CORO2B: variants seen among roughly 807,000 people sequenced by gnomAD.
CORO2B encodes coronin 2B.
In CORO2B, 26 loss-of-function variants were observed where a neutral mutation model predicts 58.8. The ratio of observed to expected loss-of-function variants is 0.44; its 90% CI spans 0.32 to 0.61. The LOEUF (loss-of-function observed/expected upper bound fraction) is 0.61. Ranked by LOEUF, CORO2B falls within the 20% of genes least tolerant of loss-of-function variation. The pLI, the probability that CORO2B is intolerant of heterozygous loss-of-function variation, is 0.04. For synonymous variants in CORO2B, 242 were observed against 253.8 expected (o/e 0.95, Z 0.44); for missense variants, 460 against 645.1 (o/e 0.71, Z 3.11).
At chr15:68,706,717 C>CT (rs1351018890) in intron 3 of CORO2B, among the ~76,000 whole-genome samples, 18 of 149,898 alleles carry the variant, frequency 1.2e-4, no homozygotes, top group Middle Eastern at 6.9e-3. Flanking sequence ...ATTTTTTTTT[C>CT]TTTTTTTTTA....
chr15:68,620,577 C>T (rs905516880), intron 1 of CORO2B, among the ~76,000 whole-genome samples: 15 of 152,194 alleles, frequency 9.9e-5, no homozygotes, highest in Non-Finnish European at 5.9e-5. Context: ...CAAAAGTCTG[C>T]GTTTAGGGAA....
chr15:68,545,062 C>A, the CORO2B span, among the ~76,000 whole-genome samples: 6 of 152,144 alleles, frequency 3.9e-5, no homozygotes, highest in Non-Finnish European at 1.5e-5. Flanking sequence ...GCTTGAGCCA[C>A]CACGCCCGGC....
chr15:68,716,032 G>A (rs528339970), intron 8 of CORO2B, among the ~76,000 whole-genome samples: 2 of 152,284 alleles, frequency 1.3e-5, no homozygotes, highest in Admixed American at 1.3e-4. Context: ...TGTGGGTCTG[G>A]TATTATGGAC....
At chr15:68,692,932 C>A (rs1892419124) in intron 2 of CORO2B, among the ~76,000 whole-genome samples, 1 of 151,990 alleles carries the variant, frequency 6.6e-6, no homozygotes, top group South Asian at 2.1e-4. Context: ...CCGTGCCTGG[C>A]CTAAAAAATT....
At chr15:68,545,966 G>A in the CORO2B span, among the ~76,000 whole-genome samples, 2 of 152,178 alleles carry the variant, frequency 1.3e-5, no homozygotes, top group Admixed American at 6.5e-5. Context: ...TGCTCAGCAC[G>A]GGGTCTCCTA....
chr15:68,618,297 A>G (rs1900421722), intron 1 of CORO2B, among the ~76,000 whole-genome samples: 1 of 152,212 alleles, frequency 6.6e-6, no homozygotes, highest in Non-Finnish European at 1.5e-5. Flanking sequence ...GTGACCCTCC[A>G]GTGTGAGAAA....
At chr15:68,611,931 T>C (rs1900257809) in intron 1 of CORO2B, among the ~76,000 whole-genome samples, 1 of 152,072 alleles carries the variant, frequency 6.6e-6, no homozygotes, top group African/African-American at 2.4e-5. Context: ...ACCACCATGC[T>C]GGCTAATTTT....
intron 1 of CORO2B, among the ~76,000 whole-genome samples, chr15:68,633,416 A>C (rs568549314): frequency 6.6e-6 from 1 of 152,116 alleles, no homozygotes; most frequent in East Asian, 1.9e-4. Context: ...CATTAAGTTT[A>C]ATTTAAAAAA....
upstream of CORO2B, among the ~76,000 whole-genome samples, chr15:68,576,779 T>G (rs958706173): frequency 1.3e-5 from 2 of 152,096 alleles, no homozygotes; most frequent in African/African-American, 4.8e-5. Context: ...CTAATTTAAA[T>G]TTCCTCTGCT....
At chr15:68,678,417 T>C (rs569696009) in intron 2 of CORO2B, among the ~76,000 whole-genome samples, 2 of 152,116 alleles carry the variant, frequency 1.3e-5, no homozygotes, top group Non-Finnish European at 1.5e-5. Flanking sequence ...TTCACACCTG[T>C]AATCCCAACA....
chr15:68,669,666 A>T (rs1392385956), intron 2 of CORO2B, among the ~76,000 whole-genome samples: 1 of 152,146 alleles, frequency 6.6e-6, no homozygotes, highest in Non-Finnish European at 1.5e-5. Flanking sequence ...TAAAAATATC[A>T]ATCCAATGGT....
chr15:68,698,940 GCA>G (rs1892577331), intron 3 of CORO2B, among the ~76,000 whole-genome samples: 1 of 152,172 alleles, frequency 6.6e-6, no homozygotes, highest in Admixed American at 6.5e-5. Flanking sequence ...AAAGGGCTAT[GCA>G]CACAGAGAAG....
At chr15:68,580,155 T>G (rs2140553367) in intron 1 of CORO2B, among the ~76,000 whole-genome samples, 1 of 152,298 alleles carries the variant, frequency 6.6e-6, no homozygotes, top group African/African-American at 2.4e-5. Context: ...ATAATATGGG[T>G]CCTGGGTTGT....
intron 1 of CORO2B, chr15:68,641,683 TC>T: frequency 4.4e-6 from 3 of 687,056 alleles, no homozygotes; most frequent in Non-Finnish European, 5.4e-6. Flanking sequence ...CACTGGCTCC[TC>T]CCAAGCCCTT....
chr15:68,595,860 G>C (rs1226580069), intron 1 of CORO2B, among the ~76,000 whole-genome samples: 1 of 152,170 alleles, frequency 6.6e-6, no homozygotes, highest in Non-Finnish European at 1.5e-5. Context: ...AAAGGCCGAG[G>C]GACCCTGGTG....
In CORO2B at chr15:68,709,461, T is replaced by G. The variant is rs1037202759; in HGVS notation, c.334-1271T>G. Among the ~76,000 whole-genome samples the G allele has an allele frequency of 1.2e-3, 6 of 4,918 alleles. No individual in the cohort carries two copies. The Non-Finnish European group carries it at 0.015, about 13-fold the overall frequency. 3.2% of individuals were successfully genotyped at this position (4,918 alleles called of 152,430 possible). ...TTTCGAAAAGATTTTTTTTTCGTGT[T>G]TTTTTTTTTTTTTTTTTTTAGACAG... On this transcript the variant is annotated intron_variant, in intron 3 of 11. Transcript: ENST00000261861.
At chr15:68,725,770 C>T in intron 11 of CORO2B, 73 bp from the exon 12 acceptor site, 6 of 1,583,950 alleles carry the variant, frequency 3.8e-6, no homozygotes, top group Middle Eastern at 1.8e-4. Context: ...CAGCTGGAGA[C>T]TCACCTGGGA....
At chr15:68,725,166 C>G (rs1222092038) in intron 11 of CORO2B, among the ~76,000 whole-genome samples, 1 of 151,988 alleles carries the variant, frequency 6.6e-6, no homozygotes, top group Non-Finnish European at 1.5e-5. Context: ...GTCAGGAGTT[C>G]GAGACCAGCC....
chr15:68,546,148 T>A, the CORO2B span, among the ~76,000 whole-genome samples: 1 of 152,144 alleles, frequency 6.6e-6, no homozygotes, highest in African/African-American at 2.4e-5. Context: ...TGATGGTCCA[T>A]TCTATTCTAG....
Sources: gnomAD v4.1 joint callset for allele counts (sites outside exome capture counted in the v4.1 genomes callset) on GRCh38, gnomAD v4.1.1 for gene constraint, MANE v1.5 for transcripts, NCBI Gene and HGNC (gene_info 2026-07-23, HGNC 2026-07-21) for gene names.